Variants in PTPRG observed in about 807,000 individuals in gnomAD.
PTPRG encodes protein tyrosine phosphatase receptor type G, also known as receptor-type tyrosine-protein phosphatase gamma.
Under a neutral mutation model 165.3 loss-of-function variants are expected in PTPRG, and 102 were observed. The ratio of observed to expected loss-of-function variants is 0.62; its 90% CI spans 0.53 to 0.73. The LOEUF (loss-of-function observed/expected upper bound fraction) is 0.73, where lower values mean the gene tolerates loss of function less well. Among genes scored for constraint, PTPRG ranks in the 30% least tolerant of loss-of-function variants. The pLI is 0.00. For missense variants in PTPRG, 1,866 were observed against 1,861.4 expected, an observed-to-expected ratio of 1.00 and a Z score of -0.05; for synonymous variants, 675 against 669.5, an observed-to-expected ratio of 1.01 and a Z score of -0.13.
intron 2 of PTPRG, among the ~76,000 whole-genome samples, chr3:61,891,312 C>A (rs764259155): frequency 2.0e-5 from 3 of 152,108 alleles, no homozygotes; most frequent in East Asian, 1.9e-4. Context: ...AATAAAAATA[C>A]AAATAAAAAT....
chr3:61,687,970 G>C (rs904945367), intron 1 of PTPRG, among the ~76,000 whole-genome samples: 1 of 152,198 alleles, frequency 6.6e-6, no homozygotes, highest in Admixed American at 6.5e-5. Flanking sequence ...AAGGAATCGC[G>C]TACCCAGCTT....
intron 2 of PTPRG, among the ~76,000 whole-genome samples, chr3:61,821,181 T>G (rs2035944330): frequency 6.6e-6 from 1 of 152,136 alleles, no homozygotes; most frequent in African/African-American, 2.4e-5. Context: ...GTTTTCTTTT[T>G]TTTTTTGAGA....
In PTPRG at chr3:61,749,016, G is replaced by A. The variant is rs745980859; in HGVS notation, c.190+34G>A. 4 of 1,526,356 alleles carry A rather than the reference G, an allele frequency of 2.6e-6. No individual in the cohort carries two copies. The East Asian group carries it at 9.0e-5, about 34-fold the overall frequency. The allele number at this position is 1,526,356 out of a possible 1,614,324, so 94.6% of individuals were successfully genotyped here. A position where few individuals can be genotyped will look rare whatever the true frequency, so the allele number is the denominator to read the frequency against. On this transcript the variant is annotated intron_variant, in intron 2 of 29. Coordinates refer to ENST00000474889, the MANE Select transcript of PTPRG (RefSeq NM_002841.4). ...AGTTGTTCTAATGGAGATCACACAG[G>A]CCAGTTAACATCCCATTCAACTCAC...
intron 2 of PTPRG, among the ~76,000 whole-genome samples, chr3:61,835,973 G>A (rs1169877045): frequency 2.0e-5 from 3 of 151,728 alleles, no homozygotes; most frequent in African/African-American, 7.3e-5. Context: ...CTGGGAGGTG[G>A]AGGATGCGGT....
intron 2 of PTPRG, among the ~76,000 whole-genome samples, chr3:61,800,529 G>A (rs555391496): frequency 4.6e-5 from 7 of 152,142 alleles, no homozygotes; most frequent in African/African-American, 1.7e-4. Context: ...GTATGAGGTT[G>A]GCACAATCCC....
chr3:61,839,090 A>G (rs112835609), intron 2 of PTPRG, among the ~76,000 whole-genome samples: 10 of 152,370 alleles, frequency 6.6e-5, no homozygotes, highest in African/African-American at 2.4e-4. Flanking sequence ...AAGCAAATCT[A>G]AAACCAACAA....
chr3:61,730,109 C>A (rs1363048002), intron 1 of PTPRG, among the ~76,000 whole-genome samples: 1 of 152,214 alleles, frequency 6.6e-6, no homozygotes, highest in Non-Finnish European at 1.5e-5. Flanking sequence ...GGGTTTGTGA[C>A]CACCACGGGG....
At chr3:62,057,341 ACT>A (rs570283265) in intron 4 of PTPRG, among the ~76,000 whole-genome samples, 115 of 152,332 alleles carry the variant, frequency 7.5e-4, no homozygotes, top group African/African-American at 2.6e-3. Flanking sequence ...TCCAGTTTAC[ACT>A]GTTTTCTGTT....
intron 4 of PTPRG, among the ~76,000 whole-genome samples, chr3:62,037,926 A>G (rs1313506745): frequency 2.0e-5 from 3 of 152,170 alleles, no homozygotes; most frequent in African/African-American, 7.2e-5. Flanking sequence ...CTCATCTTCA[A>G]ATATCATCAC....
intron 1 of PTPRG, among the ~76,000 whole-genome samples, chr3:61,596,853 T>G (rs1299387673): frequency 6.6e-6 from 1 of 152,140 alleles, no homozygotes; most frequent in Non-Finnish European, 1.5e-5. Context: ...AGTGAATAAT[T>G]GTCTCAAGGT....
chr3:62,046,858 A>G (rs1337982869), intron 4 of PTPRG, among the ~76,000 whole-genome samples: 1 of 152,162 alleles, frequency 6.6e-6, no homozygotes, highest in African/African-American at 2.4e-5. Context: ...CGTGGAGAAA[A>G]GTATGCTAGT....
At chr3:61,659,334 G>T in intron 1 of PTPRG, 11 of 985,396 alleles carry the variant, frequency 1.1e-5, no homozygotes, top group Non-Finnish European at 1.3e-5. Context: ...CTCAGTTGAG[G>T]ATTTTCTTGT....
chr3:62,041,289 G>A (rs1575926585), intron 4 of PTPRG, among the ~76,000 whole-genome samples: 2 of 151,990 alleles, frequency 1.3e-5, no homozygotes, highest in African/African-American at 2.4e-5. Flanking sequence ...AAGCCTTTTC[G>A]GATGCCAAAT....
chr3:62,010,281 G>A (rs1311143068), intron 4 of PTPRG, among the ~76,000 whole-genome samples: 2 of 151,946 alleles, frequency 1.3e-5, no homozygotes, highest in Admixed American at 1.3e-4. Flanking sequence ...GCATATTAAG[G>A]GCTTTGAAGA....
At chr3:61,605,000 C>T (rs1025497044) in intron 1 of PTPRG, among the ~76,000 whole-genome samples, 11 of 152,148 alleles carry the variant, frequency 7.2e-5, no homozygotes, top group African/African-American at 1.2e-4. Flanking sequence ...GGACAACTGA[C>T]GAGGTAGCCC....
intron 2 of PTPRG, among the ~76,000 whole-genome samples, chr3:61,792,424 C>A (rs1484268034): frequency 6.6e-6 from 1 of 152,088 alleles, no homozygotes; most frequent in South Asian, 2.1e-4. Flanking sequence ...TAGGGACTCA[C>A]TATGTTGTCC....
intron 1 of PTPRG, among the ~76,000 whole-genome samples, chr3:61,724,021 C>T (rs2032155666): frequency 6.6e-6 from 1 of 152,028 alleles, no homozygotes; most frequent in Non-Finnish European, 1.5e-5. Flanking sequence ...CACTTGAGGT[C>T]AAGAGTTTGA....
In PTPRG at chr3:62,186,567, C is replaced by CTTTTTTT. The variant is rs35133425; in HGVS notation, c.1034-4891_1034-4885dup. Among the ~76,000 whole-genome samples the CTTTTTTT allele has an allele frequency of 1.7e-3, 200 of 117,502 alleles. 8 individuals carry two copies. The Middle Eastern group carries it at 0.048, about 28-fold the overall frequency. 77.1% of individuals were successfully genotyped at this position (117,502 alleles called of 152,430 possible). On this transcript the variant is annotated intron_variant, in intron 8 of 29. Coordinates refer to ENST00000474889, the MANE Select transcript of PTPRG (RefSeq NM_002841.4). Reference sequence around the variant, plus strand: ...GTTGAAGCTGGATTTTTTTCTTTTCCTTTTTTTTTTTTTTTTTGAGATAGG... The same window carrying CTTTTTTT: ...GTTGAAGCTGGATTTTTTTCTTTTCCTTTTTTTTTTTTTTTTTTTTTTTTGAGATAGG...
chr3:62,282,192 T>C (rs1441563647), intron 27 of PTPRG, among the ~76,000 whole-genome samples: 1 of 151,984 alleles, frequency 6.6e-6, no homozygotes, highest in Admixed American at 6.6e-5. Flanking sequence ...TAATTTATTG[T>C]CACTTGAAAT....
Sources: gnomAD v4.1 joint callset for allele counts (sites outside exome capture counted in the v4.1 genomes callset) on GRCh38, gnomAD v4.1.1 for gene constraint, MANE v1.5 for transcripts, NCBI Gene and HGNC (gene_info 2026-07-23, HGNC 2026-07-21) for gene names.